STAG1: variants seen among roughly 807,000 people sequenced by gnomAD.
STAG1 encodes the protein STAG1 cohesin complex component, also known as cohesin subunit SA-1.
Under a neutral mutation model 170.9 loss-of-function variants are expected in STAG1, and 26 were observed. The observed-to-expected ratio is 0.15, with a 90% CI of 0.11 to 0.21. STAG1 has a LOEUF of 0.21. Among genes scored for constraint, STAG1 ranks in the 10% least tolerant of loss-of-function variants. STAG1 has a pLI of 1.00. For synonymous variants in STAG1, 514 were observed against 497.7 expected (o/e 1.03, Z -0.44); for missense variants, 964 against 1,509.5 (o/e 0.64, Z 5.99).
At chr3:136,599,130 T>A (rs1036709723) in intron 4 of STAG1, among the ~76,000 whole-genome samples, 1 of 152,168 alleles carries the variant, frequency 6.6e-6, no homozygotes, top group African/African-American at 2.4e-5. Context: ...CATACATGCA[T>A]GTGTATGTTC....
chr3:136,358,834 A>G (rs947952215), intron 27 of STAG1, among the ~76,000 whole-genome samples: 1 of 152,070 alleles, frequency 6.6e-6, no homozygotes, highest in Non-Finnish European at 1.5e-5. Context: ...TTGGGCTCCC[A>G]AAGCACTGGG....
intron 4 of STAG1, among the ~76,000 whole-genome samples, chr3:136,591,189 C>G (rs544062440): frequency 8.1e-6 from 1 of 123,762 alleles, no homozygotes; most frequent in African/African-American, 3.0e-5. Context: ...AGAATAAACA[C>G]TGGCAGTTTG....
At chr3:136,475,816 T>C in intron 10 of STAG1, among the ~76,000 whole-genome samples, 1 of 152,180 alleles carries the variant, frequency 6.6e-6, no homozygotes, top group East Asian at 1.9e-4. Context: ...ACTGAAAGGC[T>C]AAAGAGAAAA....
In STAG1 at chr3:136,473,521, A is replaced by G. The variant is rs541713469; in HGVS notation, c.1125+18T>C. Reference sequence around the variant, plus strand: ...GTAAAGAGAAAAATTAAATAAGCTTATCATTCTTGATGCTTACCTTGAATC... The same window carrying G: ...GTAAAGAGAAAAATTAAATAAGCTTGTCATTCTTGATGCTTACCTTGAATC... On this transcript the variant is annotated intron_variant, in intron 11 of 33. Transcript: ENST00000383202. 3.0e-5 allele frequency: 46 copies of G among 1,548,288 alleles called. No homozygotes were observed. Among genetic ancestry groups the G allele is most frequent in the South Asian group, 5.8e-5 (5 of 86,488 alleles).
intron 1 of STAG1, among the ~76,000 whole-genome samples, chr3:136,687,968 C>T (rs1942593005): frequency 6.6e-6 from 1 of 152,060 alleles, no homozygotes; most frequent in Non-Finnish European, 1.5e-5. Flanking sequence ...AACTCATGAC[C>T]TCATGTGATC....
At chr3:136,398,008 G>A (rs369507320) in intron 22 of STAG1, among the ~76,000 whole-genome samples, 12 of 152,028 alleles carry the variant, frequency 7.9e-5, no homozygotes, top group East Asian at 7.7e-4. Flanking sequence ...GTACAATGGC[G>A]CGATCTTGGC....
chr3:136,736,782 A>T, intron 1 of STAG1: 1 of 1,595,574 alleles, frequency 6.3e-7, no homozygotes. Context: ...GCTTGTTTGA[A>T]CAGCTCAGGA....
At chr3:136,346,878 C>T (rs9870825) in intron 29 of STAG1, among the ~76,000 whole-genome samples, 1 of 152,020 alleles carries the variant, frequency 6.6e-6, no homozygotes, top group Admixed American at 6.6e-5. Context: ...GCATGTGGAT[C>T]GCTTGAGTCC....
In STAG1 at chr3:136,513,894, TA is replaced by T. The variant is rs541949463; in HGVS notation, c.676+7318del. On this transcript the variant is annotated intron_variant, in intron 7 of 33. Transcript: ENST00000383202. ...ACAGCAGAAACAATTAAGTAGCATC[TA>T]AATTTTAGAAAATGAGGCATAATTT... 5.3e-5 allele frequency among the ~76,000 whole-genome samples: 8 copies of T among 152,162 alleles called. No homozygotes were observed. The South Asian group carries it at 1.5e-3, about 28-fold the overall frequency.
intron 28 of STAG1, among the ~76,000 whole-genome samples, chr3:136,357,517 T>G (rs1040202643): frequency 3.3e-5 from 5 of 152,252 alleles, no homozygotes; most frequent in African/African-American, 1.2e-4. Context: ...AATTTCATGT[T>G]GCAGATTCTA....
intron 5 of STAG1, among the ~76,000 whole-genome samples, chr3:136,559,161 CTATA>C (rs1475614043): frequency 2.6e-5 from 4 of 151,244 alleles, no homozygotes; most frequent in African/African-American, 7.3e-5. Context: ...ATCTATCTAT[CTATA>C]TACGTACACA....
intron 9 of STAG1, among the ~76,000 whole-genome samples, chr3:136,491,788 T>C (rs2090129647): frequency 6.6e-6 from 1 of 151,178 alleles, no homozygotes. Flanking sequence ...AGGTCAGGAG[T>C]TCAAGACCAG....
chr3:136,402,531 T>A (rs1410590419), intron 21 of STAG1, among the ~76,000 whole-genome samples: 2 of 152,012 alleles, frequency 1.3e-5, no homozygotes, highest in African/African-American at 4.8e-5. Flanking sequence ...GATTTTACTT[T>A]AAAATTTTCA....
chr3:136,551,264 A>C (rs1247807423), intron 5 of STAG1, among the ~76,000 whole-genome samples: 14 of 139,032 alleles, frequency 1.0e-4, no homozygotes, highest in African/African-American at 3.2e-4. Context: ...AGAGAGAGGG[A>C]GAGCGAGAGA....
At chr3:136,413,314 T>C (rs534524774) in intron 21 of STAG1, among the ~76,000 whole-genome samples, 2 of 147,942 alleles carry the variant, frequency 1.4e-5, no homozygotes, top group South Asian at 4.3e-4. Context: ...TATATATACA[T>C]AGTGTCTAAG....
chr3:136,400,435 G>T (rs1249651166), intron 21 of STAG1, among the ~76,000 whole-genome samples: 3 of 152,108 alleles, frequency 2.0e-5, no homozygotes, highest in Non-Finnish European at 2.9e-5. Context: ...TGCCCAGGCT[G>T]GTCTCGAACT....
chr3:136,689,391 G>T (rs1942640657), intron 1 of STAG1, among the ~76,000 whole-genome samples: 1 of 152,118 alleles, frequency 6.6e-6, no homozygotes, highest in South Asian at 2.1e-4. Context: ...ATCTTGGCAG[G>T]TTTTTCTTTG....
At chr3:136,467,320 C>T (rs137917243) in intron 12 of STAG1, among the ~76,000 whole-genome samples, 36 of 152,028 alleles carry the variant, frequency 2.4e-4, no homozygotes, top group African/African-American at 8.4e-4. Flanking sequence ...GAAGATCTAC[C>T]AAGCAAATGG....
At chr3:136,566,718 G>A (rs1235520568) in intron 5 of STAG1, among the ~76,000 whole-genome samples, 2 of 152,142 alleles carry the variant, frequency 1.3e-5, no homozygotes, top group East Asian at 1.9e-4. Flanking sequence ...CGATTTGGCA[G>A]TATCTAATAT....
Sources: gnomAD v4.1 joint callset for allele counts (sites outside exome capture counted in the v4.1 genomes callset) on GRCh38, gnomAD v4.1.1 for gene constraint, MANE v1.5 for transcripts, NCBI Gene and HGNC (gene_info 2026-07-23, HGNC 2026-07-21) for gene names.